The following FRRS1L variants were observed in gnomAD, a reference collection of about 807,000 sequenced individuals.
The protein encoded by FRRS1L is DOMON domain-containing protein FRRS1L.
Under a neutral mutation model 28.6 loss-of-function variants are expected in FRRS1L, and 22 were observed. The observed-to-expected ratio is 0.77, with a 90% CI of 0.55 to 1.10. FRRS1L has a LOEUF of 1.10. Ranked by LOEUF, FRRS1L falls within the 50% of genes least tolerant of loss-of-function variation. FRRS1L has a pLI of 0.00. For synonymous variants in FRRS1L, 158 were observed against 151.4 expected, an observed-to-expected ratio of 1.04 and a Z score of -0.32; for missense variants, 380 against 386.9, an observed-to-expected ratio of 0.98 and a Z score of 0.15.
At chr9:109,137,877 A>C in intron 4 of FRRS1L, 1 of 216,774 alleles carries the variant, frequency 4.6e-6, no homozygotes, top group Non-Finnish European at 9.0e-6. Flanking sequence ...CATCAGAACA[A>C]TGCTGTTGAT....
rs1289323594 is a variant in FRRS1L at position 109,132,841 on chromosome 9, C to G, written c.*4614G>C. ...TTATTGGAACATAGCCATGCTCATT[C>G]ATTTATGTATTGTTTATAGCAGAGC... On this transcript the variant is annotated 3_prime_UTR_variant, in exon 5 of 5. Transcript: ENST00000561981. 1 of 152,166 alleles carries G rather than the reference C, an allele frequency of 6.6e-6. No individual in the cohort carries two copies. Among genetic ancestry groups the G allele is most frequent in the African/African-American group, 2.4e-5 (1 of 41,442 alleles). 9.4% of individuals were successfully genotyped at this position (152,166 alleles called of 1,614,324 possible). A position where few individuals can be genotyped will look rare whatever the true frequency, so the allele number is the denominator to read the frequency against.
chr9:109,163,156 A>C (rs1487887760), intron 1 of FRRS1L, among the ~76,000 whole-genome samples: 1 of 152,086 alleles, frequency 6.6e-6, no homozygotes, highest in Non-Finnish European at 1.5e-5. Flanking sequence ...TCCCCAAAGA[A>C]CCCTCAGAAG....
intron 1 of FRRS1L, among the ~76,000 whole-genome samples, chr9:109,152,906 T>C (rs916820217): frequency 6.6e-6 from 1 of 150,620 alleles, no homozygotes; most frequent in Non-Finnish European, 1.5e-5. Flanking sequence ...ATAAATGTTC[T>C]GAACTAGTTT....
chr9:109,166,167 C>CT (rs1239920538), intron 1 of FRRS1L, among the ~76,000 whole-genome samples: 1 of 152,180 alleles, frequency 6.6e-6, no homozygotes, highest in Non-Finnish European at 1.5e-5. Flanking sequence ...CCCAAAGTTG[C>CT]TTAAAGAGGC....
Position 109,136,566 on chromosome 9 carries a change from G to A in FRRS1L, c.*889C>T, listed in dbSNP as rs1239609875. The A allele has an allele frequency of 6.6e-6, 1 of 152,046 alleles. No individual in the cohort carries two copies. The highest frequency in any genetic ancestry group is 1.5e-5 in the Non-Finnish European group (1 of 68,020). 9.4% of individuals were successfully genotyped at this position (152,046 alleles called of 1,614,324 possible). A position where few individuals can be genotyped will look rare whatever the true frequency, so the allele number is the denominator to read the frequency against. ...GACAGAGTCTGGCTCTGTCACCTAGGCTGGAGTGCACTGGCACAATCTCGG... is the reference window on the plus strand; with the variant it reads ...GACAGAGTCTGGCTCTGTCACCTAGACTGGAGTGCACTGGCACAATCTCGG... On this transcript the variant is annotated 3_prime_UTR_variant, in exon 5 of 5. Coordinates refer to ENST00000561981, the MANE Select transcript of FRRS1L (RefSeq NM_014334.4).
At chr9:109,145,356 G>A (rs142681616) in intron 3 of FRRS1L, among the ~76,000 whole-genome samples, 24 of 152,244 alleles carry the variant, frequency 1.6e-4, no homozygotes, top group African/African-American at 5.3e-4. Context: ...AAACAAATTC[G>A]TAACTTCCCT....
intron 1 of FRRS1L, among the ~76,000 whole-genome samples, chr9:109,153,831 A>G (rs1831368291): frequency 6.6e-6 from 1 of 152,158 alleles, no homozygotes; most frequent in African/African-American, 2.4e-5. Flanking sequence ...AAATTAAATG[A>G]TCTCTATTTG....
chr9:109,132,375 C>T lies in FRRS1L; in HGVS notation c.*5080G>A, dbSNP rs1226044389. 1 of 152,202 alleles carries T rather than the reference C, an allele frequency of 6.6e-6. No homozygotes were observed. The highest frequency in any genetic ancestry group is 2.4e-5 in the African/African-American group (1 of 41,456). 9.4% of individuals were successfully genotyped at this position (152,202 alleles called of 1,614,324 possible). On this transcript the variant is annotated 3_prime_UTR_variant, in exon 5 of 5. Transcript: ENST00000561981. Reference sequence around the variant, plus strand: ...CAGCGCAATGGTTGTCCATGATCACCACAGTTACTTAAGACAAAACTGCTG... The same window carrying T: ...CAGCGCAATGGTTGTCCATGATCACTACAGTTACTTAAGACAAAACTGCTG...
chr9:109,146,212 C>T (rs1831260080), intron 3 of FRRS1L, among the ~76,000 whole-genome samples: 1 of 151,968 alleles, frequency 6.6e-6, no homozygotes, highest in Admixed American at 6.6e-5. Flanking sequence ...AACAAACAAA[C>T]AAACAAATAA....
chr9:109,150,030 G>A (rs1034481248), intron 1 of FRRS1L: 4 of 232,380 alleles, frequency 1.7e-5, no homozygotes, highest in Non-Finnish European at 3.4e-5. Context: ...CTGGGAGTTT[G>A]AGAATCACAC....
At chr9:109,152,768 C>T (rs1208644152) in intron 1 of FRRS1L, among the ~76,000 whole-genome samples, 13 of 126,044 alleles carry the variant, frequency 1.0e-4, no homozygotes, top group African/African-American at 3.7e-4. Context: ...CGCACCACTG[C>T]ACTCCAGCCT....
At chr9:109,144,304 T>C (rs7020384) in intron 3 of FRRS1L, among the ~76,000 whole-genome samples, 23,032 of 152,156 alleles carry the variant, frequency 0.15, 2,027 homozygotes, top group African/African-American at 0.18. Context: ...AGACTGCTTA[T>C]CAGTCTTTTC....
At chr9:109,140,244 G>A (rs1388529578) in intron 4 of FRRS1L, 1 of 152,358 alleles carries the variant, frequency 6.6e-6, no homozygotes, top group Non-Finnish European at 1.5e-5. Flanking sequence ...TTGAGCCCAG[G>A]AGTTCAAGAC....
Position 109,130,641 on chromosome 9 carries a change from T to C in FRRS1L, c.*6814A>G, listed in dbSNP as rs1344666173. On this transcript the variant is annotated 3_prime_UTR_variant, in exon 5 of 5. Coordinates refer to ENST00000561981, the MANE Select transcript of FRRS1L (RefSeq NM_014334.4). ...AAAACAAATATAACCTATCAATGTCTATGTAAAGGCATAGTTTTTACAAAA... is the reference window on the plus strand; with the variant it reads ...AAAACAAATATAACCTATCAATGTCCATGTAAAGGCATAGTTTTTACAAAA... The C allele has an allele frequency of 6.6e-6, 1 of 152,238 alleles. No homozygotes were observed. Among genetic ancestry groups the C allele is most frequent in the East Asian group, 1.9e-4 (1 of 5,202 alleles). 9.4% of individuals were successfully genotyped at this position (152,238 alleles called of 1,614,324 possible).
intron 1 of FRRS1L, among the ~76,000 whole-genome samples, chr9:109,165,111 T>C (rs1831531862): frequency 6.6e-6 from 1 of 152,248 alleles, no homozygotes; most frequent in Non-Finnish European, 1.5e-5. Flanking sequence ...CACTAGGCTG[T>C]GTACAGTGTA....
chr9:109,151,437 T>G (rs1428476464), intron 1 of FRRS1L: 3 of 153,166 alleles, frequency 2.0e-5, no homozygotes, highest in Admixed American at 6.5e-5. Context: ...GCAGTGGCAT[T>G]AGATTCTCAT....
intron 1 of FRRS1L, among the ~76,000 whole-genome samples, chr9:109,155,444 T>C (rs1831391867): frequency 6.6e-6 from 1 of 152,206 alleles, no homozygotes; most frequent in South Asian, 2.1e-4. Context: ...CTGGGCACAG[T>C]GGCTCATGCC....
In FRRS1L at chr9:109,134,605, C is replaced by T. The variant is rs562711134; in HGVS notation, c.*2850G>A. The T allele has an allele frequency of 5.3e-4, 81 of 152,248 alleles. No individual in the cohort carries two copies. Among genetic ancestry groups the T allele is most frequent in the African/African-American group, 1.9e-3 (79 of 41,548 alleles). The allele number at this position is 152,248 out of a possible 1,614,324, so 9.4% of individuals were successfully genotyped here. A position where few individuals can be genotyped will look rare whatever the true frequency, so the allele number is the denominator to read the frequency against. On this transcript the variant is annotated 3_prime_UTR_variant, in exon 5 of 5. Transcript: ENST00000561981. ...GTCACAGAAATGGCTTGCATTTTAC[C>T]TTAATGGCACTGAGAAGTCATTGAA...
intron 1 of FRRS1L, among the ~76,000 whole-genome samples, chr9:109,158,675 C>CT (rs1831441035): frequency 6.6e-6 from 1 of 152,142 alleles, no homozygotes; most frequent in African/African-American, 2.4e-5. Flanking sequence ...AACTTCACTC[C>CT]TTTTTCTGGC....
Sources: allele counts gnomAD v4.1 joint callset (sites outside exome capture counted in the v4.1 genomes callset), GRCh38; gene constraint gnomAD v4.1.1; transcripts MANE v1.5; gene names NCBI Gene and HGNC (gene_info 2026-07-23, HGNC 2026-07-21).